OSBPL10: variants seen among roughly 807,000 people sequenced by gnomAD.
The protein encoded by OSBPL10 is oxysterol-binding protein-related protein 10.
In OSBPL10, 49 loss-of-function variants were observed where a neutral mutation model predicts 81.7. The ratio of observed to expected loss-of-function variants is 0.60; its 90% CI spans 0.48 to 0.76. The LOEUF is 0.76. OSBPL10 is among the 30% of genes least tolerant of loss of function. The probability of loss-of-function intolerance (pLI) is 0.00; values close to 1 mark genes in which losing one functional copy is unlikely to be tolerated. For missense variants in OSBPL10, 923 were observed against 987.8 expected, an observed-to-expected ratio of 0.93 and a Z score of 0.88; for synonymous variants, 419 against 383.6, an observed-to-expected ratio of 1.09 and a Z score of -1.08.
intron 1 of OSBPL10, among the ~76,000 whole-genome samples, chr3:31,933,544 A>T (rs1397366566): frequency 6.6e-6 from 1 of 151,852 alleles, no homozygotes; most frequent in Non-Finnish European, 1.5e-5. Context: ...AGTAGTGACT[A>T]CAGGTACACA....
chr3:31,814,691 T>C (rs1231472169), intron 4 of OSBPL10, among the ~76,000 whole-genome samples: 2 of 152,156 alleles, frequency 1.3e-5, no homozygotes, highest in African/African-American at 2.4e-5. Context: ...GATTTCAGAT[T>C]CTAGCCTCAA....
intron 4 of OSBPL10, among the ~76,000 whole-genome samples, chr3:31,773,562 T>C (rs1698443993): frequency 6.6e-6 from 1 of 152,122 alleles, no homozygotes; most frequent in African/African-American, 2.4e-5. Flanking sequence ...GAAATGAGGG[T>C]TGTGGTTGTA....
At chr3:31,918,856 A>G (rs923433145) in intron 1 of OSBPL10, among the ~76,000 whole-genome samples, 4 of 152,210 alleles carry the variant, frequency 2.6e-5, no homozygotes, top group African/African-American at 9.6e-5. Flanking sequence ...CATGGCAACT[A>G]GTGATGGAAA....
At chr3:31,679,069 C>T (rs972822766) in intron 8 of OSBPL10, among the ~76,000 whole-genome samples, 3 of 152,080 alleles carry the variant, frequency 2.0e-5, no homozygotes, top group South Asian at 2.1e-4. Flanking sequence ...TTCCCAGCCA[C>T]GCACTCACTG....
intron 4 of OSBPL10, among the ~76,000 whole-genome samples, chr3:31,766,311 G>C (rs1698190405): frequency 6.7e-6 from 1 of 148,186 alleles, no homozygotes; most frequent in African/African-American, 2.5e-5. Context: ...GTGATGTTTG[G>C]CCCAATGTAG....
chr3:31,894,543 C>A (rs760852022), intron 1 of OSBPL10, among the ~76,000 whole-genome samples: 15 of 152,146 alleles, frequency 9.9e-5, no homozygotes, highest in South Asian at 2.1e-4. Flanking sequence ...TATTGTCAAG[C>A]AAATCCGTTT....
chr3:31,884,911 AG>A (rs1324163733), intron 1 of OSBPL10, among the ~76,000 whole-genome samples: 1 of 152,160 alleles, frequency 6.6e-6, no homozygotes, highest in Non-Finnish European at 1.5e-5. Context: ...TCAATAAAAG[AG>A]GAAAAAAAAA....
chr3:31,668,573 C>T, intron 10 of OSBPL10, 69 bp downstream of exon 10: 1 of 1,390,872 alleles, frequency 7.2e-7, no homozygotes, highest in Non-Finnish European at 9.6e-7. Context: ...AGTCTTCTTT[C>T]TTCTCTGTCC....
At chr3:32,047,069 G>A (rs553159834) in intron 1 of OSBPL10, among the ~76,000 whole-genome samples, 14 of 152,144 alleles carry the variant, frequency 9.2e-5, no homozygotes, top group Admixed American at 2.6e-4. Flanking sequence ...GCACGATCTC[G>A]GCTCACTGCA....
chr3:32,026,478 G>T (rs1199079244), intron 2 of OSBPL10, among the ~76,000 whole-genome samples: 1 of 152,090 alleles, frequency 6.6e-6, no homozygotes, highest in South Asian at 2.1e-4. Flanking sequence ...ACTATAGCTG[G>T]AGGACTGTTA....
intron 1 of OSBPL10, among the ~76,000 whole-genome samples, chr3:31,899,052 C>CCTTACAGATTTAAGCGAGTCT (rs140137650): frequency 6.7e-6 from 1 of 148,314 alleles, no homozygotes; most frequent in South Asian, 2.1e-4. Context: ...ACCTCTGCCT[C>CCTTACAGATTTAAGCGAGTCT]CCTGCCTCAG....
chr3:31,790,586 G>A (rs1033166840), intron 4 of OSBPL10, among the ~76,000 whole-genome samples: 4 of 152,232 alleles, frequency 2.6e-5, no homozygotes, highest in African/African-American at 7.2e-5. Context: ...CCATCTGATA[G>A]ATCTTGGGGG....
intron 1 of OSBPL10, among the ~76,000 whole-genome samples, chr3:31,979,165 C>T (rs1359968683): frequency 2.0e-5 from 3 of 152,158 alleles, no homozygotes; most frequent in African/African-American, 7.2e-5. Context: ...ATTTAGTCAT[C>T]TCATATCTCC....
intron 1 of OSBPL10, among the ~76,000 whole-genome samples, chr3:32,058,595 G>A (rs1051970733): frequency 2.0e-5 from 3 of 152,170 alleles, no homozygotes; most frequent in African/African-American, 7.2e-5. Context: ...CCAAAGTGCT[G>A]ACATTACAGG....
chr3:32,008,760 G>GAAAAAAAAAAAAAA (rs11328847), intron 2 of OSBPL10, among the ~76,000 whole-genome samples: 2 of 114,526 alleles, frequency 1.7e-5, no homozygotes, highest in Non-Finnish European at 1.8e-5. Flanking sequence ...ATCCTGACTG[G>GAAAAAAAAAAAAAA]AAAAAAAAAA....
chr3:31,917,128 G>A (rs936012628), intron 1 of OSBPL10, among the ~76,000 whole-genome samples: 2 of 152,158 alleles, frequency 1.3e-5, no homozygotes, highest in Non-Finnish European at 2.9e-5. Context: ...ACAAGACAAA[G>A]TCGGTGTCAC....
chr3:32,024,472 G>A (rs918041631), intron 2 of OSBPL10, among the ~76,000 whole-genome samples: 8 of 141,160 alleles, frequency 5.7e-5, no homozygotes, highest in Admixed American at 7.3e-5. Context: ...TTTTATTTAC[G>A]TATTGTGAAT....
chr3:31,673,792 G>A (rs1324376022), intron 8 of OSBPL10, among the ~76,000 whole-genome samples: 10 of 152,174 alleles, frequency 6.6e-5, no homozygotes, highest in South Asian at 4.1e-4. Flanking sequence ...GCCAGGCAGC[G>A]AGGCTCTTTT....
intron 1 of OSBPL10, among the ~76,000 whole-genome samples, chr3:31,902,593 T>C (rs1044710003): frequency 6.7e-6 from 1 of 149,864 alleles, no homozygotes; most frequent in Non-Finnish European, 1.5e-5. Flanking sequence ...GACAGAGTCT[T>C]GCTCTGTCGC....
Sources: allele counts gnomAD v4.1 joint callset (sites outside exome capture counted in the v4.1 genomes callset), GRCh38; gene constraint gnomAD v4.1.1; transcripts MANE v1.5; gene names NCBI Gene and HGNC (gene_info 2026-07-23, HGNC 2026-07-21).